HIBADH: variants seen among roughly 807,000 people sequenced by gnomAD.
HIBADH encodes the protein 3-hydroxyisobutyrate dehydrogenase.
HIBADH carries 25 observed loss-of-function variants against 36.1 expected under a neutral mutation model. The ratio of observed to expected loss-of-function variants is 0.69; its 90% CI spans 0.50 to 0.97. The LOEUF is 0.97. HIBADH is among the 50% of genes least tolerant of loss of function. The pLI is 0.00. For synonymous variants in HIBADH, 160 were observed against 149.5 expected, an observed-to-expected ratio of 1.07 and a Z score of -0.51; for missense variants, 421 against 418.0, an observed-to-expected ratio of 1.01 and a Z score of -0.06.
At position 27,602,698 on chromosome 7, in the gene HIBADH, A is replaced by T. The variant is rs190560418; in HGVS notation, c.484+26673T>A. On this transcript the variant is annotated intron_variant, in intron 4 of 7. Coordinates refer to ENST00000265395, the MANE Select transcript of HIBADH (RefSeq NM_152740.4). ...TACAAGGCGTCAGTCTTTAAAAAAA[A>T]TTTTTTTAAACCTGAAGATTACTGA... Among the ~76,000 whole-genome samples, 23 of 152,288 alleles carry T rather than the reference A, an allele frequency of 1.5e-4. No individual in the cohort carries two copies. In the South Asian group the frequency reaches 2.3e-3, roughly 15 times the overall value.
At chr7:27,608,341 G>A (rs1268067068) in intron 4 of HIBADH, among the ~76,000 whole-genome samples, 2 of 152,120 alleles carry the variant, frequency 1.3e-5, no homozygotes, top group African/African-American at 4.8e-5. Flanking sequence ...GGACCTGAAG[G>A]AAAGATGACT....
chr7:27,657,792 C>G (rs935411982), intron 1 of HIBADH, among the ~76,000 whole-genome samples: 20 of 152,270 alleles, frequency 1.3e-4, no homozygotes, highest in African/African-American at 4.3e-4. Context: ...GATAAGTTCA[C>G]TTCTTAGATG....
At chr7:27,588,778 T>C (rs1055696688) in intron 4 of HIBADH, among the ~76,000 whole-genome samples, 3 of 152,222 alleles carry the variant, frequency 2.0e-5, no homozygotes, top group African/African-American at 7.2e-5. Flanking sequence ...CAAAGTGTTA[T>C]ATTCTCTAAT....
chr7:27,656,516 GTTA>G (rs1428804406), intron 1 of HIBADH, among the ~76,000 whole-genome samples: 4 of 151,996 alleles, frequency 2.6e-5, no homozygotes, highest in African/African-American at 9.7e-5. Context: ...TCCAGGATAA[GTTA>G]TTAAGTGGAA....
chr7:27,542,981 C>A lies in HIBADH; in HGVS notation c.604G>T (p.Val202Phe). Residue 202 changes from valine to phenylalanine, a missense_variant, in exon 5 of 8, where the codon GTT (valine) becomes TTT (phenylalanine). Physicochemically the swap from Val to Phe is conservative, Grantham distance 50. Coordinates refer to ENST00000265395, the MANE Select transcript of HIBADH (RefSeq NM_152740.4). ...AAAAATCTTACCTGCCCAGTCCCAACAGCTCCACAGTACACCACGTTGGAG... is the reference window on the plus strand; with the variant it reads ...AAAAATCTTACCTGCCCAGTCCCAAAAGCTCCACAGTACACCACGTTGGAG... ...MGSNVVYCGA[V>F]GTGQAAKICN... The A allele has an allele frequency of 1.9e-6, 3 of 1,613,626 alleles. No homozygotes were observed. The highest frequency in any genetic ancestry group is 2.5e-6 in the Non-Finnish European group (3 of 1,179,740).
At chr7:27,532,933 A>C (rs1467777865) in intron 6 of HIBADH, among the ~76,000 whole-genome samples, 2 of 152,368 alleles carry the variant, frequency 1.3e-5, no homozygotes, top group East Asian at 3.9e-4. Flanking sequence ...AAGTAAAATC[A>C]CAATTAACAA....
chr7:27,655,234 AAAT>A (rs1386855698), intron 1 of HIBADH, among the ~76,000 whole-genome samples: 1 of 152,174 alleles, frequency 6.6e-6, no homozygotes. Flanking sequence ...GCCTTTAAGA[AAAT>A]AATGAAATTT....
intron 1 of HIBADH, among the ~76,000 whole-genome samples, chr7:27,654,232 T>C (rs1024878926): frequency 6.6e-6 from 1 of 152,112 alleles, no homozygotes; most frequent in Non-Finnish European, 1.5e-5. Flanking sequence ...AGAGCATCAA[T>C]AAGCTGTGAG....
At chr7:27,648,122 G>T (rs1003071662) in intron 2 of HIBADH, among the ~76,000 whole-genome samples, 4 of 152,066 alleles carry the variant, frequency 2.6e-5, no homozygotes, top group Non-Finnish European at 4.4e-5. Context: ...ACTACTAATT[G>T]GTTCATCTCA....
chr7:27,633,671 A>G (rs948055436), intron 2 of HIBADH, among the ~76,000 whole-genome samples: 6 of 152,158 alleles, frequency 3.9e-5, no homozygotes, highest in African/African-American at 1.4e-4. Flanking sequence ...CTTAAAAAAA[A>G]GAAAAAGAAA....
At chr7:27,599,672 T>G (rs1376114054) in intron 4 of HIBADH, among the ~76,000 whole-genome samples, 1 of 99,204 alleles carries the variant, frequency 1.0e-5, no homozygotes, top group Non-Finnish European at 1.8e-5. Context: ...ACAGCGAGAC[T>G]CTGTCTCCAA....
chr7:27,654,621 T>C (rs916071610), intron 1 of HIBADH, among the ~76,000 whole-genome samples: 6 of 151,832 alleles, frequency 4.0e-5, no homozygotes, highest in Non-Finnish European at 8.8e-5. Context: ...AAGAAAAATA[T>C]ACAAATATTT....
chr7:27,626,130 G>A (rs974788883), intron 4 of HIBADH, among the ~76,000 whole-genome samples: 22 of 79,040 alleles, frequency 2.8e-4, no homozygotes, highest in Non-Finnish European at 5.7e-4. Context: ...AAAAAAAGAT[G>A]TACAGTTTGA....
chr7:27,598,829 C>G (rs1785073960), intron 4 of HIBADH, among the ~76,000 whole-genome samples: 1 of 151,360 alleles, frequency 6.6e-6, no homozygotes, highest in African/African-American at 2.4e-5. Flanking sequence ...AAAAACTACC[C>G]AACCCTAGTC....
chr7:27,531,288 C>A lies in HIBADH; in HGVS notation c.756G>T (p.Trp252Cys). The change falls in exon 7 of 8, where the codon TGG (tryptophan) becomes TGT (cysteine). Residue 252 changes from tryptophan (W) to cysteine (C), a missense_variant. Transcript: ENST00000265395. ...KILNMSSGRC[W>C]SSDTYNPVPG... ...GTACAGGATTATAAGTGTCACTTGACCAACACCGTCCTGAGCTCATATTTA... is the reference window on the plus strand; with the variant it reads ...GTACAGGATTATAAGTGTCACTTGAACAACACCGTCCTGAGCTCATATTTA... The A allele has an allele frequency of 6.2e-7, 1 of 1,613,962 alleles. No homozygotes were observed. Among genetic ancestry groups the A allele is most frequent in the Non-Finnish European group, 8.5e-7 (1 of 1,179,902 alleles).
At chr7:27,528,943 A>T (rs932011423) in intron 7 of HIBADH, among the ~76,000 whole-genome samples, 6 of 152,208 alleles carry the variant, frequency 3.9e-5, no homozygotes, top group African/African-American at 1.4e-4. Flanking sequence ...TTGAAGTTGA[A>T]GCCAATGCTC....
At chr7:27,650,869 T>G (rs1436894728) in intron 1 of HIBADH, among the ~76,000 whole-genome samples, 1 of 152,132 alleles carries the variant, frequency 6.6e-6, no homozygotes, top group Non-Finnish European at 1.5e-5. Flanking sequence ...TAGCGTTAGA[T>G]GCAATTTTTC....
intron 1 of HIBADH, among the ~76,000 whole-genome samples, chr7:27,650,712 TAAAAA>T (rs59073946): frequency 2.4e-5 from 3 of 126,280 alleles, no homozygotes; most frequent in Non-Finnish European, 3.3e-5. Flanking sequence ...AGGCTGCCAT[TAAAAA>T]AAAAAAAAAA....
chr7:27,588,047 C>G (rs1784889035), intron 4 of HIBADH, among the ~76,000 whole-genome samples: 2 of 152,216 alleles, frequency 1.3e-5, no homozygotes, highest in Admixed American at 6.5e-5. Context: ...ACAGTGATAT[C>G]TGGACATCAG....
Sources: gnomAD v4.1 joint callset for allele counts (sites outside exome capture counted in the v4.1 genomes callset) on GRCh38, gnomAD v4.1.1 for gene constraint, MANE v1.5 for transcripts, NCBI Gene and HGNC (gene_info 2026-07-23, HGNC 2026-07-21) for gene names.